KCNIP4: variants seen among roughly 807,000 people sequenced by gnomAD.
The protein encoded by KCNIP4 is potassium voltage-gated channel interacting protein 4, also known as Kv channel-interacting protein 4.
A neutral mutation model predicts 34.0 loss-of-function variants in KCNIP4; 12 were observed. That is an observed-to-expected ratio of 0.35 (90% CI 0.23 to 0.57). The LOEUF is 0.57. Ranked by LOEUF, KCNIP4 falls within the 20% of genes least tolerant of loss-of-function variation. KCNIP4 has a pLI of 0.83. For missense variants in KCNIP4, 238 were observed against 311.7 expected (o/e 0.76, Z 1.78); for synonymous variants, 124 against 102.2 (o/e 1.21, Z -1.29).
intron 1 of KCNIP4, among the ~76,000 whole-genome samples, chr4:21,431,593 C>T (rs1726452313): frequency 6.6e-6 from 1 of 151,686 alleles, no homozygotes; most frequent in Non-Finnish European, 1.5e-5. Context: ...GCTATGTATC[C>T]CAGAAATTAT....
chr4:21,567,420 CCT>C (rs879845037), intron 1 of KCNIP4, among the ~76,000 whole-genome samples: 37 of 152,126 alleles, frequency 2.4e-4, no homozygotes, highest in Non-Finnish European at 3.2e-4. Context: ...CCTGCCACCC[CCT>C]CTTTCTTGCT....
chr4:21,339,267 A>G (rs569934468), intron 1 of KCNIP4, among the ~76,000 whole-genome samples: 2 of 152,324 alleles, frequency 1.3e-5, no homozygotes, highest in South Asian at 4.1e-4. Flanking sequence ...GAGTAACTGT[A>G]ATAAGAATGA....
intron 1 of KCNIP4, among the ~76,000 whole-genome samples, chr4:21,589,809 T>C (rs983295781): frequency 2.0e-5 from 3 of 151,978 alleles, no homozygotes; most frequent in Admixed American, 6.6e-5. Flanking sequence ...CTCCATTGCA[T>C]TGCTGCCATT....
rs1553930264 is a variant in KCNIP4, at chr4:21,773,755, T to TTTG, written c.61+174815_61+174816insCAA. Reference sequence around the variant, plus strand: ...CTGTTTTTTTTTGTTGTTTTTTTTTTTTTGTTTGTTTGTTTTTGTTTTGTT... The same window carrying TTTG: ...CTGTTTTTTTTTGTTGTTTTTTTTTTTTGTTTGTTTGTTTGTTTTTGTTTTGTT... On this transcript the variant is annotated intron_variant, in intron 1 of 8. Coordinates refer to ENST00000382152, the MANE Select transcript of KCNIP4 (RefSeq NM_025221.6). 2.0e-4 allele frequency among the ~76,000 whole-genome samples: 28 copies of TTTG among 137,920 alleles called. 1 individual carries two copies. The highest frequency in any genetic ancestry group is 8.8e-4 in the African/African-American group (26 of 29,650). 90.5% of individuals were successfully genotyped at this position (137,920 alleles called of 152,430 possible).
chr4:21,264,544 C>T (rs1460941596), intron 1 of KCNIP4, among the ~76,000 whole-genome samples: 1 of 152,042 alleles, frequency 6.6e-6, no homozygotes, highest in Non-Finnish European at 1.5e-5. Context: ...CACATTTATT[C>T]CTGTGTAAAA....
chr4:21,346,737 C>G (rs1250422625), intron 1 of KCNIP4, among the ~76,000 whole-genome samples: 1 of 152,060 alleles, frequency 6.6e-6, no homozygotes, highest in Non-Finnish European at 1.5e-5. Context: ...GAGGATTATG[C>G]CTTTCTAAAA....
At chr4:21,710,482 C>T (rs1713639136) in intron 1 of KCNIP4, among the ~76,000 whole-genome samples, 1 of 152,196 alleles carries the variant, frequency 6.6e-6, no homozygotes, top group Admixed American at 6.5e-5. Flanking sequence ...CCGAAAACCA[C>T]CTAATGCAGT....
At chr4:20,817,455 A>G (rs1716551793) in intron 3 of KCNIP4, among the ~76,000 whole-genome samples, 1 of 152,056 alleles carries the variant, frequency 6.6e-6, no homozygotes, top group African/African-American at 2.4e-5. Flanking sequence ...GATCATCCCA[A>G]TGCCTGCAAT....
intron 1 of KCNIP4, among the ~76,000 whole-genome samples, chr4:21,130,283 G>T (rs2109168973): frequency 6.6e-6 from 1 of 152,240 alleles, no homozygotes; most frequent in East Asian, 1.9e-4. Context: ...CATTTCTAAA[G>T]ATTTCCTAAA....
intron 1 of KCNIP4, among the ~76,000 whole-genome samples, chr4:21,233,989 TA>T (rs1759013722): frequency 7.6e-6 from 1 of 131,740 alleles, no homozygotes; most frequent in Non-Finnish European, 1.5e-5. Context: ...ATATAACATA[TA>T]ACATGTATAA....
chr4:21,019,213 T>G (rs983926328), intron 1 of KCNIP4, among the ~76,000 whole-genome samples: 10 of 151,990 alleles, frequency 6.6e-5, no homozygotes, highest in Non-Finnish European at 1.0e-4. Context: ...TGGAGTGCAG[T>G]GGCGTGATCT....
At chr4:21,617,826 T>G (rs1744709216) in intron 1 of KCNIP4, among the ~76,000 whole-genome samples, 1 of 152,194 alleles carries the variant, frequency 6.6e-6, no homozygotes, top group African/African-American at 2.4e-5. Context: ...ATCTCGCTTC[T>G]ACTTCTGATC....
intron 1 of KCNIP4, among the ~76,000 whole-genome samples, chr4:21,790,633 A>C (rs1428038643): frequency 6.6e-6 from 1 of 152,126 alleles, no homozygotes; most frequent in Non-Finnish European, 1.5e-5. Context: ...CAACCAGAAG[A>C]GGGCGCTATC....
intron 1 of KCNIP4, among the ~76,000 whole-genome samples, chr4:21,656,074 A>G (rs781138972): frequency 6.6e-6 from 1 of 152,224 alleles, no homozygotes; most frequent in Non-Finnish European, 1.5e-5. Context: ...ACAGTTCTAG[A>G]TGCAGGAAGT....
intron 1 of KCNIP4, among the ~76,000 whole-genome samples, chr4:21,630,585 A>C (rs184781339): frequency 7.2e-5 from 11 of 152,164 alleles, no homozygotes; most frequent in African/African-American, 2.2e-4. Flanking sequence ...CTTTCCCCGG[A>C]CCCTGCTGGT....
intron 1 of KCNIP4, among the ~76,000 whole-genome samples, chr4:21,832,385 T>C (rs1178139481): frequency 1.3e-5 from 2 of 152,058 alleles, no homozygotes; most frequent in Non-Finnish European, 2.9e-5. Flanking sequence ...ATTGTGGCTC[T>C]GACATAAGGA....
intron 1 of KCNIP4, among the ~76,000 whole-genome samples, chr4:21,687,049 C>T (rs999974382): frequency 1.4e-5 from 2 of 146,540 alleles, no homozygotes; most frequent in East Asian, 2.1e-4. Flanking sequence ...AATCATCATT[C>T]TCAGTAAACT....
intron 1 of KCNIP4, among the ~76,000 whole-genome samples, chr4:20,992,835 C>A (rs970462279): frequency 4.6e-5 from 7 of 151,930 alleles, no homozygotes; most frequent in African/African-American, 1.7e-4. Context: ...CAAGACCAGC[C>A]TGGCCAACAT....
chr4:21,814,866 AG>A (rs1343533146), intron 1 of KCNIP4, among the ~76,000 whole-genome samples: 1 of 152,182 alleles, frequency 6.6e-6, no homozygotes, highest in East Asian at 1.9e-4. Context: ...CTGATATGAC[AG>A]AAACAATTAA....
Sources: allele counts gnomAD v4.1 joint callset (sites outside exome capture counted in the v4.1 genomes callset), GRCh38; gene constraint gnomAD v4.1.1; transcripts MANE v1.5; gene names NCBI Gene and HGNC (gene_info 2026-07-23, HGNC 2026-07-21).